Variants in LARGE1 observed in about 807,000 individuals in gnomAD.
LARGE1 encodes xylosyl- and glucuronyltransferase LARGE1.
A neutral mutation model predicts 87.6 loss-of-function variants in LARGE1; 43 were observed. That is an observed-to-expected ratio of 0.49 (90% CI 0.38 to 0.63). LARGE1 has a LOEUF of 0.63. Among genes scored for constraint, LARGE1 ranks in the 30% least tolerant of loss-of-function variants. The pLI, the probability that LARGE1 is intolerant of heterozygous loss-of-function variation, is 0.00. For missense variants in LARGE1, 802 were observed against 1,000.2 expected, an observed-to-expected ratio of 0.80 and a Z score of 2.67; for synonymous variants, 434 against 394.6, an observed-to-expected ratio of 1.10 and a Z score of -1.18.
downstream of LARGE1, among the ~76,000 whole-genome samples, chr22:33,160,281 T>C (rs1921978858): frequency 6.6e-6 from 1 of 152,330 alleles, no homozygotes; most frequent in East Asian, 1.9e-4. Context: ...TATGTGTATG[T>C]TGAGGACAGT....
intron 1 of LARGE1, among the ~76,000 whole-genome samples, chr22:33,882,035 G>GTTTTT (rs56757133): frequency 6.9e-5 from 10 of 144,226 alleles, no homozygotes; most frequent in African/African-American, 2.4e-4. Flanking sequence ...TTTTGTTTTT[G>GTTTTT]TTTTTTTTTG....
intron 9 of LARGE1, among the ~76,000 whole-genome samples, chr22:33,381,085 TCAC>T (rs2065139578): frequency 6.6e-6 from 1 of 152,174 alleles, no homozygotes; most frequent in African/African-American, 2.4e-5. Context: ...CACCTCTGCC[TCAC>T]CATGAGAAAA....
In LARGE1 at chr22:33,199,219, T is replaced by C. The variant is rs954620290; in HGVS notation, c.1731-32387A>G. On this transcript the variant is annotated intron_variant, in intron 11 of 11. Transcript: ENST00000608642. The stretch of plus-strand genomic sequence containing the variant: ...CGCTGTTTGAGGTTTTTTTTTTTCT[T>C]ATGGAGTTGTTTGAGCTCCTTGTAG... 2.5e-4 allele frequency among the ~76,000 whole-genome samples: 38 copies of C among 151,958 alleles called. 1 individual carries two copies. Among genetic ancestry groups the C allele is most frequent in the Non-Finnish European group, 4.4e-4 (30 of 68,012 alleles).
chr22:33,271,518 C>G (rs1928242978), downstream of LARGE1, among the ~76,000 whole-genome samples: 1 of 152,188 alleles, frequency 6.6e-6, no homozygotes, highest in Non-Finnish European at 1.5e-5. Context: ...TTAAGGGGAC[C>G]AAATGAGGGA....
intron 6 of LARGE1, among the ~76,000 whole-genome samples, chr22:33,563,927 T>C (rs912800561): frequency 6.6e-6 from 1 of 152,144 alleles, no homozygotes; most frequent in Admixed American, 6.6e-5. Context: ...GGAAATTTAC[T>C]CTCTGTTCAT....
downstream of LARGE1, among the ~76,000 whole-genome samples, chr22:33,159,937 A>AG (rs1400518983): frequency 6.7e-6 from 1 of 150,374 alleles, no homozygotes; most frequent in Non-Finnish European, 1.5e-5. Flanking sequence ...ATTAGTGGTA[A>AG]AAAAAAAAAA....
chr22:33,537,780 C>T (rs947782472), intron 6 of LARGE1, among the ~76,000 whole-genome samples: 2 of 152,106 alleles, frequency 1.3e-5, no homozygotes, highest in Non-Finnish European at 2.9e-5. Context: ...ACTATACTGG[C>T]CAGGCTGGTC....
chr22:33,097,289 C>T, the LARGE1 span, among the ~76,000 whole-genome samples: 3,734 of 152,284 alleles, frequency 0.025, 64 homozygotes, highest in Middle Eastern at 0.058. Flanking sequence ...TGGAGGAGAA[C>T]CAGGAGAAAG....
chr22:33,786,459 G>A (rs2085643618), intron 1 of LARGE1, among the ~76,000 whole-genome samples: 1 of 152,138 alleles, frequency 6.6e-6, no homozygotes, highest in South Asian at 2.1e-4. Flanking sequence ...CAGGTTACCT[G>A]GGAAAGGGTG....
intron 2 of LARGE1, among the ~76,000 whole-genome samples, chr22:33,701,147 G>A (rs932398615): frequency 2.0e-5 from 3 of 152,164 alleles, no homozygotes; most frequent in African/African-American, 4.8e-5. Context: ...ACGGCCTGGA[G>A]GGGAACGCAG....
intron 11 of LARGE1, among the ~76,000 whole-genome samples, chr22:33,313,784 T>A (rs1935860006): frequency 6.6e-6 from 1 of 152,160 alleles, no homozygotes; most frequent in Non-Finnish European, 1.5e-5. Context: ...CCAGATGACA[T>A]CCCAGCCCTG....
At chr22:33,904,921 G>A (rs533443720) in intron 1 of LARGE1, among the ~76,000 whole-genome samples, 16 of 150,782 alleles carry the variant, frequency 1.1e-4, no homozygotes, top group Admixed American at 5.3e-4. Context: ...AGGAAATACT[G>A]ATGTCCTTTA....
At chr22:33,469,455 G>A (rs1285011743) in intron 6 of LARGE1, among the ~76,000 whole-genome samples, 1 of 152,136 alleles carries the variant, frequency 6.6e-6, no homozygotes, top group Non-Finnish European at 1.5e-5. Context: ...CCTCCAATAA[G>A]TGAAAACCAA....
chr22:33,757,564 C>T (rs918423431), intron 2 of LARGE1, among the ~76,000 whole-genome samples: 5 of 152,122 alleles, frequency 3.3e-5, no homozygotes, highest in Non-Finnish European at 7.4e-5. Flanking sequence ...TATCATGCTG[C>T]GGCGTGTAAT....
At chr22:33,676,901 G>A (rs1481111226) in intron 2 of LARGE1, among the ~76,000 whole-genome samples, 1 of 152,142 alleles carries the variant, frequency 6.6e-6, no homozygotes. Context: ...TCAAGAAGAA[G>A]ACCTCTCAGA....
the LARGE1 span, among the ~76,000 whole-genome samples, chr22:33,083,688 T>G: frequency 6.6e-6 from 1 of 152,178 alleles, no homozygotes; most frequent in Non-Finnish European, 1.5e-5. Flanking sequence ...GTTCGAAGTG[T>G]GTTGAATGAG....
chr22:33,114,800 G>A, the LARGE1 span, among the ~76,000 whole-genome samples: 7 of 152,128 alleles, frequency 4.6e-5, no homozygotes, highest in African/African-American at 1.7e-4. Flanking sequence ...TGGTAGTGAG[G>A]ACAAAACATA....
chr22:33,831,100 CT>C (rs5845117), intron 1 of LARGE1, among the ~76,000 whole-genome samples: 84 of 137,158 alleles, frequency 6.1e-4, no homozygotes, highest in Middle Eastern at 3.7e-3. Flanking sequence ...TTTCTTTTTT[CT>C]TTTTTTTTTT....
intron 3 of LARGE1, among the ~76,000 whole-genome samples, chr22:33,637,451 C>A (rs2080300219): frequency 6.6e-6 from 1 of 152,170 alleles, no homozygotes; most frequent in African/African-American, 2.4e-5. Flanking sequence ...GCCTCCAAGA[C>A]TGTCTCCAAA....
Sources: gnomAD v4.1 joint callset for allele counts (sites outside exome capture counted in the v4.1 genomes callset) on GRCh38, gnomAD v4.1.1 for gene constraint, MANE v1.5 for transcripts, NCBI Gene and HGNC (gene_info 2026-07-23, HGNC 2026-07-21) for gene names.